Variants in PXDN observed in about 807,000 individuals in gnomAD.
PXDN encodes the protein peroxidasin.
Under a neutral mutation model 140.3 loss-of-function variants are expected in PXDN, and 77 were observed. That is an observed-to-expected ratio of 0.55 (90% CI 0.46 to 0.66). The LOEUF is 0.66. Ranked by LOEUF, PXDN falls within the 30% of genes least tolerant of loss-of-function variation. The pLI, the probability that PXDN is intolerant of heterozygous loss-of-function variation, is 0.00. For missense variants in PXDN, 1,838 were observed against 2,039.5 expected, an observed-to-expected ratio of 0.90 and a Z score of 1.90; for synonymous variants, 911 against 857.4, an observed-to-expected ratio of 1.06 and a Z score of -1.09.
intron 1 of PXDN, among the ~76,000 whole-genome samples, chr2:1,718,034 A>C (rs1052228987): frequency 5.4e-5 from 8 of 147,516 alleles, no homozygotes; most frequent in Non-Finnish European, 1.2e-4. Context: ...ACCCAAAGCT[A>C]TTCTACTAAC....
At position 1,687,540 on chromosome 2, in the gene PXDN, T is replaced by G. The variant is rs1031512628; in HGVS notation, c.416+92A>C. ...CCTCAGGTAGCATAGTCATGCATCA[T>G]GCAAACAGCTAGCTCACTCCACTGG... On this transcript the variant is annotated intron_variant, in intron 4 of 22. Transcript: ENST00000252804. The surrounding 1 kb of genome is among the most constrained non-coding windows in gnomAD (Gnocchi z 4.0). 2.2e-5 allele frequency: 22 copies of G among 985,378 alleles called. No homozygotes were observed. The highest frequency in any genetic ancestry group is 3.2e-5 in the Non-Finnish European group (22 of 684,912). The allele number at this position is 985,378 out of a possible 1,614,324, so 61.0% of individuals were successfully genotyped here.
At position 1,664,943 on chromosome 2, in the gene PXDN, C is replaced by G; in HGVS notation, c.1408+15G>C. The G allele has an allele frequency of 6.4e-7, 1 of 1,569,260 alleles. No individual in the cohort carries two copies. On this transcript the variant is annotated intron_variant, in intron 11 of 22. Coordinates refer to ENST00000252804, the MANE Select transcript of PXDN (RefSeq NM_012293.3). The stretch of plus-strand genomic sequence containing the variant: ...GCCGCGGAGGGAGCAGGCAAAGGGC[C>G]GGCCTGGGTCTTACCTCCCTTGGTC...
chr2:1,726,156 T>C (rs1007709678), intron 1 of PXDN, among the ~76,000 whole-genome samples: 2 of 152,018 alleles, frequency 1.3e-5, no homozygotes, highest in African/African-American at 4.8e-5. Flanking sequence ...CTATTCACAA[T>C]AGCAAAGTCT....
intron 14 of PXDN, among the ~76,000 whole-genome samples, chr2:1,658,083 T>TCCCTCCCCCTCTCTCTCCCTCCCC (rs1212656970): frequency 2.6e-5 from 2 of 77,752 alleles, no homozygotes; most frequent in African/African-American, 1.1e-4. Context: ...TCTCTCTCTC[T>TCCCTCCCCCTCTCTCTCCCTCCCC]CTCTCTCTCT....
Position 1,685,613 on chromosome 2 carries a change from G to A in PXDN, c.417-1462C>T, listed in dbSNP as rs1412567067. On this transcript the variant is annotated intron_variant, in intron 4 of 22. Coordinates refer to ENST00000252804, the MANE Select transcript of PXDN (RefSeq NM_012293.3). The surrounding 1 kb of genome is among the most constrained non-coding windows in gnomAD (Gnocchi z 5.1). Reference sequence around the variant, plus strand: ...CCAGAAGGATGAGGAGGTACTGACCGAGGGAAGGAAAGGGGGTATTTCAAG... The same window carrying A: ...CCAGAAGGATGAGGAGGTACTGACCAAGGGAAGGAAAGGGGGTATTTCAAG... Among the ~76,000 whole-genome samples the A allele has an allele frequency of 1.3e-5, 2 of 152,110 alleles. No individual in the cohort carries two copies. Among genetic ancestry groups the A allele is most frequent in the African/African-American group, 2.4e-5 (1 of 41,434 alleles).
intron 3 of PXDN, among the ~76,000 whole-genome samples, chr2:1,691,065 C>G (rs1359242433): frequency 6.6e-6 from 1 of 152,074 alleles, no homozygotes; most frequent in Non-Finnish European, 1.5e-5. Flanking sequence ...TGTAACAAAC[C>G]TGCACGTTCT....
chr2:1,700,481 A>G (rs1684399338), intron 1 of PXDN, among the ~76,000 whole-genome samples: 1 of 152,174 alleles, frequency 6.6e-6, no homozygotes, highest in Non-Finnish European at 1.5e-5. Flanking sequence ...CAGAAATATC[A>G]TTTTAAGCTC....
chr2:1,664,858 T>C lies in PXDN; in HGVS notation c.1408+100A>G. ...GTGGAATCCAGTCCCAGCTCAGCCCTGTCCAGAACACGCTGGGGTTGCCTG... is the reference window on the plus strand; with the variant it reads ...GTGGAATCCAGTCCCAGCTCAGCCCCGTCCAGAACACGCTGGGGTTGCCTG... On this transcript the variant is annotated intron_variant, in intron 11 of 22. Transcript: ENST00000252804. 8 of 1,035,668 alleles carry C rather than the reference T, an allele frequency of 7.7e-6. No individual in the cohort carries two copies. The South Asian group carries it at 1.1e-4, about 14-fold the overall frequency. The allele number at this position is 1,035,668 out of a possible 1,614,324, so 64.2% of individuals were successfully genotyped here.
At chr2:1,673,274 C>T (rs978078192) in intron 9 of PXDN, among the ~76,000 whole-genome samples, 11 of 152,190 alleles carry the variant, frequency 7.2e-5, no homozygotes, top group African/African-American at 2.7e-4. Flanking sequence ...ATAGAGACCT[C>T]GTTACCACAT....
At chr2:1,678,650 A>G (rs531780107) in intron 7 of PXDN, among the ~76,000 whole-genome samples, 1 of 152,318 alleles carries the variant, frequency 6.6e-6, no homozygotes, top group East Asian at 1.9e-4. Flanking sequence ...CGGCTGATTC[A>G]CAGGTTCTCG....
At chr2:1,653,927 G>A (rs559526446) in intron 15 of PXDN, 142 bp from the exon 16 acceptor site, 12 of 1,005,950 alleles carry the variant, frequency 1.2e-5, no homozygotes, top group South Asian at 2.1e-5. Context: ...TTCCTCATCC[G>A]AAGTGGGAGG....
intron 1 of PXDN, among the ~76,000 whole-genome samples, chr2:1,743,032 A>C (rs1685583229): frequency 6.6e-6 from 1 of 152,246 alleles, no homozygotes; most frequent in Non-Finnish European, 1.5e-5. Flanking sequence ...TTTGGCATGC[A>C]GAAAAGTCGC....
At chr2:1,727,799 G>GTA (rs1685224100) in intron 1 of PXDN, among the ~76,000 whole-genome samples, 2 of 152,166 alleles carry the variant, frequency 1.3e-5, no homozygotes, top group African/African-American at 2.4e-5. Context: ...CTTCCTAATA[G>GTA]TATAATTAAA....
chr2:1,706,297 T>C (rs1231718671), intron 1 of PXDN, among the ~76,000 whole-genome samples: 1 of 152,200 alleles, frequency 6.6e-6, no homozygotes, highest in Non-Finnish European at 1.5e-5. Context: ...CAGTCCTGCC[T>C]CCATGTGATA....
In PXDN at chr2:1,653,732, G is replaced by A; in HGVS notation, c.2000C>T (p.Pro667Leu). 1.9e-6 allele frequency: 3 copies of A among 1,597,130 alleles called. No individual in the cohort carries two copies. The highest frequency in any genetic ancestry group is 2.6e-6 in the Non-Finnish European group (3 of 1,171,656). The part of the protein sequence containing the change: ...LLALFRYPRD[P>L]YTVEQARAGE... Reference sequence around the variant, plus strand: ...CGCCCGTGCCTGTTCAACTGTGTAAGGATCCCTCGGATACCGGAACAAGGC... The same window carrying A: ...CGCCCGTGCCTGTTCAACTGTGTAAAGATCCCTCGGATACCGGAACAAGGC... The change falls in exon 16 of 23, where the codon CCT (proline) becomes CTT (leucine). Residue 667 changes from proline to leucine, a missense_variant. Around this residue, in one of 5 missense-constraint regions of PXDN, gnomAD observed 537 missense variants for 583.9 expected, o/e 0.92. Coordinates refer to ENST00000252804, the MANE Select transcript of PXDN (RefSeq NM_012293.3).
Position 1,652,539 on chromosome 2 carries a change from G to A in PXDN, c.2104+1089C>T, listed in dbSNP as rs959777118. Among the ~76,000 whole-genome samples the A allele has an allele frequency of 2.1e-4, 32 of 152,146 alleles. 1 individual carries two copies. Among genetic ancestry groups the A allele is most frequent in the Non-Finnish European group, 4.0e-4 (27 of 68,010 alleles). ...AGGTGAGGCTGGAGTTTCACCCATC[G>A]AGAAAAGCAGAAACATCCAGAGGTC... On this transcript the variant is annotated intron_variant, in intron 16 of 22. Transcript: ENST00000252804.
intron 22 of PXDN, 104 bp from the exon 23 acceptor site, chr2:1,634,427 G>C (rs1238133515): frequency 7.1e-7 from 1 of 1,410,232 alleles, no homozygotes; most frequent in African/African-American, 1.4e-5. Flanking sequence ...CATGAGTCAG[G>C]CCTTGCCCTG....
At chr2:1,698,865 T>C (rs960889483) in intron 1 of PXDN, among the ~76,000 whole-genome samples, 8 of 152,186 alleles carry the variant, frequency 5.3e-5, no homozygotes, top group African/African-American at 1.9e-4. Context: ...AATTTTTCAA[T>C]TTACAGTCTC....
chr2:1,696,519 A>G (rs1297015982), intron 1 of PXDN, among the ~76,000 whole-genome samples: 2 of 152,236 alleles, frequency 1.3e-5, no homozygotes, highest in South Asian at 2.1e-4. Context: ...AGCTCATTGC[A>G]TGGACTTAAC....
Sources: gnomAD v4.1 joint callset for allele counts (sites outside exome capture counted in the v4.1 genomes callset) on GRCh38, gnomAD v4.1.1 for gene constraint, gnomAD v4.1.1 regional missense constraint, Gnocchi (gnomAD v3.1) non-coding constraint, MANE v1.5 for transcripts, NCBI Gene and HGNC (gene_info 2026-07-23, HGNC 2026-07-21) for gene names.